PAQR5: variants seen among roughly 807,000 people sequenced by gnomAD.
The protein encoded by PAQR5 is progestin and adipoQ receptor family member 5.
A neutral mutation model predicts 34.5 loss-of-function variants in PAQR5; 20 were observed. That is an observed-to-expected ratio of 0.58 (90% CI 0.41 to 0.84). The LOEUF is 0.84. Ranked by LOEUF, PAQR5 falls within the 40% of genes least tolerant of loss-of-function variation. The pLI is 0.00. For synonymous variants in PAQR5, 131 were observed against 155.6 expected (o/e 0.84, Z 1.18); for missense variants, 378 against 412.7 (o/e 0.92, Z 0.73).
intron 5 of PAQR5, among the ~76,000 whole-genome samples, chr15:69,389,222 C>T (rs2056190846): frequency 6.6e-6 from 1 of 152,168 alleles, no homozygotes; most frequent in Non-Finnish European, 1.5e-5. Flanking sequence ...CTGGGTCTGT[C>T]GTCATGGACC....
rs1567030908 is a variant in PAQR5, at chr15:69,380,023, C to T, written c.179+13C>T. On this transcript the variant is annotated intron_variant, in intron 4 of 8. Coordinates refer to ENST00000395407, the MANE Select transcript of PAQR5 (RefSeq NM_017705.4). ...TGCTGCCCTTCTGGTACCTTCTGGC[C>T]CCCTCGACCGGCCTGTCTCCTTCAG... 5 of 1,613,688 alleles carry T rather than the reference C, an allele frequency of 3.1e-6. No individual in the cohort carries two copies. Among genetic ancestry groups the T allele is most frequent in the Non-Finnish European group, 4.2e-6 (5 of 1,179,734 alleles).
intron 4 of PAQR5, 115 bp downstream of exon 4, chr15:69,380,125 C>A: frequency 1.7e-6 from 2 of 1,180,450 alleles, no homozygotes; most frequent in South Asian, 1.4e-5. Context: ...GTTTGGGGAT[C>A]CCCCGTGGGT....
intron 2 of PAQR5, among the ~76,000 whole-genome samples, chr15:69,356,650 C>T (rs1019273348): frequency 6.6e-6 from 1 of 152,050 alleles, no homozygotes; most frequent in Non-Finnish European, 1.5e-5. Flanking sequence ...CCATTCTTTC[C>T]CCCAAGCCCC....
At chr15:69,372,372 C>G (rs376511204) in intron 3 of PAQR5, among the ~76,000 whole-genome samples, 2 of 152,228 alleles carry the variant, frequency 1.3e-5, no homozygotes, top group South Asian at 2.1e-4. Context: ...GGTGAAACCC[C>G]ATCTCTACTA....
At chr15:69,388,812 T>C (rs977374899) in intron 5 of PAQR5, among the ~76,000 whole-genome samples, 3 of 152,158 alleles carry the variant, frequency 2.0e-5, no homozygotes, top group Non-Finnish European at 4.4e-5. Flanking sequence ...ACTCCACAAT[T>C]CCTGATGTCT....
At chr15:69,303,991 C>T (rs1240473023) in intron 1 of PAQR5, among the ~76,000 whole-genome samples, 1 of 152,156 alleles carries the variant, frequency 6.6e-6, no homozygotes, top group East Asian at 1.9e-4. Flanking sequence ...GGAAGGACTC[C>T]AGAAATTAGG....
chr15:69,322,083 T>A lies in PAQR5; in HGVS notation c.-276-15258T>A, dbSNP rs141275500. Among the ~76,000 whole-genome samples, 4 of 138,860 alleles carry A rather than the reference T, an allele frequency of 2.9e-5. 1 individual carries two copies. The Admixed American group carries it at 3.0e-4, about 10-fold the overall frequency. The allele number at this position is 138,860 out of a possible 152,430, so 91.1% of individuals were successfully genotyped here. A position where few individuals can be genotyped will look rare whatever the true frequency, so the allele number is the denominator to read the frequency against. ...CAAGAAGACTGGTGGCTTATGCCTG[T>A]AATCCCAGCACTTTTGGAGGCCAAG... On this transcript the variant is annotated intron_variant, in intron 1 of 8. Transcript: ENST00000395407.
intron 3 of PAQR5, among the ~76,000 whole-genome samples, chr15:69,361,069 G>GCACCCCACCAAGTGGGGT (rs1404560166): frequency 2.0e-5 from 3 of 152,204 alleles, no homozygotes; most frequent in Non-Finnish European, 4.4e-5. Context: ...GTGAGCTGAG[G>GCACCCCACCAAGTGGGGT]AATGTGGCAA....
intron 1 of PAQR5, among the ~76,000 whole-genome samples, chr15:69,332,204 T>C (rs1314329550): frequency 6.6e-6 from 1 of 152,212 alleles, no homozygotes; most frequent in African/African-American, 2.4e-5. Context: ...GCTAAGAATT[T>C]GTTTTTCTTT....
At chr15:69,330,867 GCACTTA>G (rs1290893099) in intron 1 of PAQR5, among the ~76,000 whole-genome samples, 2 of 152,146 alleles carry the variant, frequency 1.3e-5, no homozygotes, top group Admixed American at 1.3e-4. Context: ...AACCCCTTGG[GCACTTA>G]CAAATTTGGT....
chr15:69,319,191 A>G (rs75871046), intron 1 of PAQR5, among the ~76,000 whole-genome samples: 1 of 32,004 alleles, frequency 3.1e-5, no homozygotes, highest in African/African-American at 6.0e-5. Context: ...ATATATATAT[A>G]TATATATATA....
At chr15:69,369,410 C>T (rs1215036834) in intron 3 of PAQR5, among the ~76,000 whole-genome samples, 1 of 152,134 alleles carries the variant, frequency 6.6e-6, no homozygotes, top group Non-Finnish European at 1.5e-5. Context: ...GTGGCATGTG[C>T]CTGTAATCCC....
chr15:69,300,565 T>TTCTGTC (rs2053510964), intron 1 of PAQR5, among the ~76,000 whole-genome samples: 1 of 150,124 alleles, frequency 6.7e-6, no homozygotes. Flanking sequence ...ATGCTTTTCT[T>TTCTGTC]TCTTTCTCTT....
intron 1 of PAQR5, among the ~76,000 whole-genome samples, chr15:69,318,587 T>C (rs78296163): frequency 0.011 from 1,693 of 152,082 alleles, 16 homozygotes; most frequent in African/African-American, 0.024. Context: ...ACCTCCGTCA[T>C]CCATTCTGCC....
At chr15:69,305,427 G>A (rs934447717) in intron 1 of PAQR5, among the ~76,000 whole-genome samples, 2 of 152,078 alleles carry the variant, frequency 1.3e-5, no homozygotes, top group African/African-American at 2.4e-5. Context: ...GGACTTATGG[G>A]TGGAGGGGCC....
chr15:69,322,359 G>T (rs867162612), intron 1 of PAQR5, among the ~76,000 whole-genome samples: 1 of 149,032 alleles, frequency 6.7e-6, no homozygotes, highest in Non-Finnish European at 1.5e-5. Flanking sequence ...GCGGTAGCGG[G>T]CACCTGTAAT....
At chr15:69,304,651 G>A (rs34533413) in intron 1 of PAQR5, among the ~76,000 whole-genome samples, 63,752 of 151,958 alleles carry the variant, frequency 0.42, 13,702 homozygotes, top group African/African-American at 0.51. Context: ...CCTCAGCCAG[G>A]ACCACCCCCA....
intron 2 of PAQR5, among the ~76,000 whole-genome samples, chr15:69,354,419 AG>A (rs1422155751): frequency 2.0e-5 from 3 of 152,190 alleles, no homozygotes; most frequent in Non-Finnish European, 2.9e-5. Context: ...TTGTATCAGT[AG>A]TTAAGTATTA....
intron 1 of PAQR5, among the ~76,000 whole-genome samples, chr15:69,329,463 CTTTTT>C (rs1038357937): frequency 2.7e-4 from 20 of 73,762 alleles, no homozygotes; most frequent in African/African-American, 1.1e-3. Context: ...TTTTTTCTTT[CTTTTT>C]TTTTTTTTTT....
Sources: gnomAD v4.1 joint callset for allele counts (sites outside exome capture counted in the v4.1 genomes callset) on GRCh38, gnomAD v4.1.1 for gene constraint, MANE v1.5 for transcripts, NCBI Gene and HGNC (gene_info 2026-07-23, HGNC 2026-07-21) for gene names.